CMPK2: variants seen among roughly 807,000 people sequenced by gnomAD.
The protein encoded by CMPK2 is cytidine/uridine monophosphate kinase 2.
Under a neutral mutation model 33.4 loss-of-function variants are expected in CMPK2, and 32 were observed. The observed-to-expected ratio is 0.96, with a 90% CI of 0.72 to 1.29. The LOEUF is 1.29. Among genes scored for constraint, CMPK2 ranks in the 50% most tolerant of loss-of-function variants. CMPK2 has a pLI of 0.00. For missense variants in CMPK2, 672 were observed against 616.0 expected, an observed-to-expected ratio of 1.09 and a Z score of -0.96; for synonymous variants, 299 against 275.3, an observed-to-expected ratio of 1.09 and a Z score of -0.85.
At chr2:6,849,995 A>G in intron 4 of CMPK2, 22 bp from the exon 5 acceptor site, 2 of 1,577,986 alleles carry the variant, frequency 1.3e-6, no homozygotes, top group Non-Finnish European at 1.7e-6. Flanking sequence ...CAAAACACAA[A>G]GAGTTGGTCT....
chr2:6,865,652 C>T lies in CMPK2; in HGVS notation c.45G>A (p.Pro15=). The part of the protein sequence containing the change: ...RRLLRGPLSG[P]LLGRRGVCAG... ...CGCAGACCCCGCGCCGCCCGAGCAG[C>T]GGCCCCGACAGTGGCCCGCGCAGGA... The change falls in exon 1 of 5, where the codon CCG becomes CCA. Residue 15 remains proline (P), a synonymous_variant. Coordinates refer to ENST00000256722, the MANE Select transcript of CMPK2 (RefSeq NM_207315.4). 1 of 1,335,274 alleles carries T rather than the reference C, an allele frequency of 7.5e-7. No homozygotes were observed. The highest frequency in any genetic ancestry group is 3.2e-5 in the East Asian group (1 of 31,486). 82.7% of individuals were successfully genotyped at this position (1,335,274 alleles called of 1,614,324 possible).
intron 3 of CMPK2, among the ~76,000 whole-genome samples, chr2:6,841,824 G>A (rs937266540): frequency 5.3e-5 from 8 of 152,054 alleles, no homozygotes; most frequent in Admixed American, 4.6e-4. Context: ...GCCACTTCCT[G>A]CAGAAGGAAA....
At chr2:6,856,884 C>T (rs1662720030) in intron 3 of CMPK2, among the ~76,000 whole-genome samples, 1 of 152,150 alleles carries the variant, frequency 6.6e-6, no homozygotes, top group Admixed American at 6.5e-5. Flanking sequence ...TATACATATG[C>T]TGGTATTTAT....
At chr2:6,854,247 T>G (rs1419646780) in intron 3 of CMPK2, among the ~76,000 whole-genome samples, 1 of 152,208 alleles carries the variant, frequency 6.6e-6, no homozygotes, top group South Asian at 2.1e-4. Context: ...GAGTCTGATA[T>G]TATCTTATTT....
chr2:6,849,889 C>A lies in CMPK2; in HGVS notation c.1311G>T (p.Thr437=). 1 of 1,613,990 alleles carries A rather than the reference C, an allele frequency of 6.2e-7. No homozygotes were observed. Among genetic ancestry groups the A allele is most frequent in the Non-Finnish European group, 8.5e-7 (1 of 1,179,996 alleles). Residue 437 remains threonine (T), a synonymous_variant, in exon 5 of 5, where the codon ACG becomes ACT. Transcript: ENST00000256722. The part of the protein sequence containing the change: ...ASPSREKVLQ[T]VLSLIQNSFS... Reference sequence around the variant, plus strand: ...AACTATTCTGGATTAGGCTTAATACCGTCTGCAGGACCTTTTCTCTGGAGG... The same window carrying A: ...AACTATTCTGGATTAGGCTTAATACAGTCTGCAGGACCTTTTCTCTGGAGG...
rs531609731 is a variant in CMPK2, at chr2:6,861,020, G to A, written c.992+164C>T. 5.3e-5 allele frequency among the ~76,000 whole-genome samples: 8 copies of A among 151,900 alleles called. No individual in the cohort carries two copies. The East Asian group carries it at 7.7e-4, about 15-fold the overall frequency. On this transcript the variant is annotated intron_variant, in intron 3 of 4. Coordinates refer to ENST00000256722, the MANE Select transcript of CMPK2 (RefSeq NM_207315.4). ...GTATAGGTAATTAACAATTCATAAG[G>A]AGAATTCCTATTATTATCATAATAA...
chr2:6,855,763 C>G (rs1476448469), intron 3 of CMPK2, among the ~76,000 whole-genome samples: 5 of 152,214 alleles, frequency 3.3e-5, no homozygotes, highest in African/African-American at 1.2e-4. Context: ...CCACAGCCTT[C>G]TAGCTGATTC....
At chr2:6,853,990 T>C (rs1375587950) in intron 3 of CMPK2, among the ~76,000 whole-genome samples, 1 of 152,186 alleles carries the variant, frequency 6.6e-6, no homozygotes, top group African/African-American at 2.4e-5. Flanking sequence ...AAGTGTGCTC[T>C]GAGAGCTTCA....
rs1172278079 is a variant in CMPK2, at chr2:6,865,903, G to C, written c.-207C>G. 2 of 1,413,626 alleles carry C rather than the reference G, an allele frequency of 1.4e-6. No individual in the cohort carries two copies. Among genetic ancestry groups the C allele is most frequent in the Admixed American group, 5.4e-5 (2 of 36,706 alleles). The allele number at this position is 1,413,626 out of a possible 1,614,324, so 87.6% of individuals were successfully genotyped here. ...TTCCGGCCTCTCCTCCTCGCCGCGA[G>C]ATGTGCGCGATAAACGGCCGGCGCT... On this transcript the variant is annotated 5_prime_UTR_variant, in exon 1 of 5. It adds an upstream start codon to the 5' untranslated region. Transcript: ENST00000256722.
At chr2:6,847,606 C>T (rs570068076), downstream of CMPK2, among the ~76,000 whole-genome samples, 9 of 152,124 alleles carry the variant, frequency 5.9e-5, no homozygotes, top group Non-Finnish European at 1.2e-4. Flanking sequence ...ACTGGTGGGC[C>T]GAGGGCTCTC....
At chr2:6,852,099 C>T (rs1341777886) in intron 3 of CMPK2, among the ~76,000 whole-genome samples, 1 of 152,198 alleles carries the variant, frequency 6.6e-6, no homozygotes, top group Non-Finnish European at 1.5e-5. Flanking sequence ...ATGTCAGTTC[C>T]TACACTGTTT....
downstream of CMPK2, among the ~76,000 whole-genome samples, chr2:6,846,816 G>T (rs1033945408): frequency 6.6e-6 from 1 of 152,130 alleles, no homozygotes; most frequent in Admixed American, 6.5e-5. Context: ...TGCAAGTAAA[G>T]GTGAAAGTTA....
Position 6,865,343 on chromosome 2 carries a change from G to C in CMPK2, c.354C>G (p.Tyr118Ter). 6.8e-7 allele frequency: 1 copy of C among 1,481,158 alleles called. No individual in the cohort carries two copies. The highest frequency in any genetic ancestry group is 8.9e-7 in the Non-Finnish European group (1 of 1,123,816). 91.8% of individuals were successfully genotyped at this position (1,481,158 alleles called of 1,614,324 possible). The change falls in exon 1 of 5, where the codon TAC becomes TAG. Residue 118 changes from tyrosine (Y) to a stop codon, truncating the protein, a stop_gained. Coordinates refer to ENST00000256722, the MANE Select transcript of CMPK2 (RefSeq NM_207315.4). LOFTEE classifies it high-confidence loss of function. ...CGCCGCCGGCCTGGCCGCCCGGGCA[G>C]TAGCAGAGCAGCCTGAGCAGCTGGC... ...QRCQLLRLLCYCPGGQAGGAQ... is the reference protein window; with the variant it reads ...QRCQLLRLLC
Position 6,865,615 on chromosome 2 carries a change from C to A in CMPK2, c.82G>T (p.Ala28Ser). 7.2e-7 allele frequency: 1 copy of A among 1,394,576 alleles called. No individual in the cohort carries two copies. Among genetic ancestry groups the A allele is most frequent in the South Asian group, 1.5e-5 (1 of 65,986 alleles). The allele number at this position is 1,394,576 out of a possible 1,614,324, so 86.4% of individuals were successfully genotyped here. A position where few individuals can be genotyped will look rare whatever the true frequency, so the allele number is the denominator to read the frequency against. ...TCCAGGACGAAGCGGCGCGGCGGAG[C>A]CATGGCCCCAGCGCAGACCCCGCGC... ...GRRGVCAGAM[A>S]PPRRFVLELP... The change falls in exon 1 of 5, where the codon GCT becomes TCT. Residue 28 changes from alanine to serine, a missense_variant. Physicochemically the swap from Ala to Ser is moderately conservative, Grantham distance 99. Coordinates refer to ENST00000256722, the MANE Select transcript of CMPK2 (RefSeq NM_207315.4).
At position 6,841,517 on chromosome 2, in the gene CMPK2, T is replaced by C. The variant is rs115127096; in HGVS notation, c.993-839A>G. Among the ~76,000 whole-genome samples, 890 of 152,326 alleles carry C rather than the reference T, an allele frequency of 5.8e-3. 5 individuals carry two copies. The highest frequency in any genetic ancestry group is 9.3e-3 in the Non-Finnish European group (633 of 68,024). On this transcript the variant is annotated intron_variant, in intron 3 of 3. Transcript: ENST00000458098. Reference sequence around the variant, plus strand: ...TTTATTCTTTCCCAAGTGAAAAGTTTGGTGAAGGATCTTAAGAACTTTCCA... The same window carrying C: ...TTTATTCTTTCCCAAGTGAAAAGTTCGGTGAAGGATCTTAAGAACTTTCCA...
At chr2:6,863,999 G>T (rs1037665306) in intron 1 of CMPK2, among the ~76,000 whole-genome samples, 1 of 152,212 alleles carries the variant, frequency 6.6e-6, no homozygotes, top group Non-Finnish European at 1.5e-5. Context: ...AGCCATTCAG[G>T]GGGCTGAGAT....
Position 6,848,486 on chromosome 2 carries a change from T to A in CMPK2, c.*1364A>T, listed in dbSNP as rs1283121792. 2 of 974,804 alleles carry A rather than the reference T, an allele frequency of 2.1e-6. No individual in the cohort carries two copies. Among genetic ancestry groups the A allele is most frequent in the Non-Finnish European group, 2.4e-6 (2 of 820,332 alleles). The allele number at this position is 974,804 out of a possible 1,614,324, so 60.4% of individuals were successfully genotyped here. On this transcript the variant is annotated 3_prime_UTR_variant, in exon 5 of 5. Coordinates refer to ENST00000256722, the MANE Select transcript of CMPK2 (RefSeq NM_207315.4). ...AAGAACCCTAATGCTATTTATCAGC[T>A]TTAAAATACTTTCAACTGAAATCAA...
chr2:6,843,986 G>A (rs532456258), downstream of CMPK2, among the ~76,000 whole-genome samples: 83 of 152,308 alleles, frequency 5.4e-4, 3 homozygotes, highest in Admixed American at 5.0e-3. Context: ...TAGTCCTGCT[G>A]GACCATCTGG....
intron 3 of CMPK2, among the ~76,000 whole-genome samples, chr2:6,840,969 CA>C (rs374662776): frequency 1.4e-3 from 207 of 152,184 alleles, no homozygotes; most frequent in African/African-American, 4.9e-3. Context: ...GGAAGATAAG[CA>C]GTTTAGAGGA....
Sources: gnomAD v4.1 joint callset for allele counts (sites outside exome capture counted in the v4.1 genomes callset) on GRCh38, gnomAD v4.1.1 for gene constraint, MANE v1.5 for transcripts, NCBI Gene and HGNC (gene_info 2026-07-23, HGNC 2026-07-21) for gene names.